The following ADCY1 variants were observed in gnomAD, a reference collection of about 807,000 sequenced individuals.
ADCY1 encodes the protein adenylate cyclase type 1.
A neutral mutation model predicts 105.4 loss-of-function variants in ADCY1; 28 were observed. The observed-to-expected ratio is 0.27, with a 90% CI of 0.20 to 0.36. The LOEUF (loss-of-function observed/expected upper bound fraction) is 0.36. ADCY1 is among the 10% of genes least tolerant of loss of function. The pLI is 1.00. For synonymous variants in ADCY1, 655 were observed against 623.8 expected (o/e 1.05, Z -0.75); for missense variants, 977 against 1,434.2 (o/e 0.68, Z 5.15).
chr7:45,711,724 C>CAT (rs1042761278), intron 19 of ADCY1, among the ~76,000 whole-genome samples: 1 of 134,860 alleles, frequency 7.4e-6, no homozygotes, highest in African/African-American at 2.8e-5. Context: ...TGTGTATATA[C>CAT]ATATATGTGT....
rs1303321591 is a variant in ADCY1, at chr7:45,712,334, AG to A, written c.3058-1355del. 2.0e-5 allele frequency among the ~76,000 whole-genome samples: 3 copies of A among 150,380 alleles called. No homozygotes were observed. The Admixed American group carries it at 2.0e-4, about 10-fold the overall frequency. ...GGATTCCCCCAAAACTGGACTTGCC[AG>A]GGGAGAACTTCATGGGAGCCCCATC... On this transcript the variant is annotated intron_variant, in intron 19 of 19. Transcript: ENST00000297323.
At position 45,686,324 on chromosome 7, in the gene ADCY1, G is replaced by A; in HGVS notation, c.2327+109G>A. On this transcript the variant is annotated intron_variant, in intron 13 of 19. Coordinates refer to ENST00000297323, the MANE Select transcript of ADCY1 (RefSeq NM_021116.4). The surrounding 1 kb of genome is among the most constrained non-coding windows in gnomAD (Gnocchi z 4.3). ...AGTCCAGAACTAGTCAAGTTGAATT[G>A]TATACACAATTTTTAGTTTGGTGGC... 2.7e-6 allele frequency: 4 copies of A among 1,484,196 alleles called. No individual in the cohort carries two copies. Among genetic ancestry groups the A allele is most frequent in the Non-Finnish European group, 3.6e-6 (4 of 1,106,018 alleles). The allele number at this position is 1,484,196 out of a possible 1,614,324, so 91.9% of individuals were successfully genotyped here.
At chr7:45,582,542 C>G (rs545743538) in intron 1 of ADCY1, among the ~76,000 whole-genome samples, 1 of 115,426 alleles carries the variant, frequency 8.7e-6, no homozygotes, top group East Asian at 2.9e-4. Flanking sequence ...GTGCCCCTCT[C>G]TAGTGCAGGC....
chr7:45,593,166 TC>T, intron 2 of ADCY1, among the ~76,000 whole-genome samples: 1 of 152,188 alleles, frequency 6.6e-6, no homozygotes, highest in East Asian at 1.9e-4. Context: ...CGCACGGACT[TC>T]CGGTTGCAGC....
At chr7:45,711,834 C>T (rs1207964448) in intron 19 of ADCY1, among the ~76,000 whole-genome samples, 2 of 124,334 alleles carry the variant, frequency 1.6e-5, no homozygotes, top group African/African-American at 6.2e-5. Context: ...TTAAAATATA[C>T]AATATTTAAA....
intron 5 of ADCY1, among the ~76,000 whole-genome samples, chr7:45,656,279 G>A (rs1410092493): frequency 6.6e-6 from 1 of 151,738 alleles, no homozygotes; most frequent in African/African-American, 2.4e-5. Context: ...CTGCAGCCTG[G>A]GCGACAGAGC....
chr7:45,685,864 C>T (rs1400101248), intron 12 of ADCY1, 98 bp from the exon 13 acceptor site: 1 of 1,465,292 alleles, frequency 6.8e-7, no homozygotes. Flanking sequence ...AGAGCAAAAC[C>T]TTGGGAGACC....
At chr7:45,640,608 A>T (rs1794505292) in intron 4 of ADCY1, among the ~76,000 whole-genome samples, 1 of 152,172 alleles carries the variant, frequency 6.6e-6, no homozygotes, top group Non-Finnish European at 1.5e-5. Flanking sequence ...GAAATTTAGG[A>T]CAAAGATTGG....
chr7:45,635,087 A>G (rs1326343322), intron 4 of ADCY1, among the ~76,000 whole-genome samples: 1 of 151,786 alleles, frequency 6.6e-6, no homozygotes, highest in Non-Finnish European at 1.5e-5. Flanking sequence ...TTCTTTGTGG[A>G]AAAGTTTTTA....
Position 45,703,442 on chromosome 7 carries a change from C to T in ADCY1, c.2521C>T (p.Leu841=). The T allele has an allele frequency of 6.2e-7, 1 of 1,614,116 alleles. No individual in the cohort carries two copies. The highest frequency in any genetic ancestry group is 8.5e-7 in the Non-Finnish European group (1 of 1,179,992). ...LDNRRILFNL[L]PAHVAQHFLM... ...CAACAGGCGCATCCTCTTCAACCTC[C>T]TGCCGGCCCACGTCGCCCAGCACTT... Residue 841 remains leucine, a synonymous_variant, in exon 15 of 20, where the codon CTG becomes TTG. Transcript: ENST00000297323. This position sits in a 1 kb window ranked among gnomAD's most constrained non-coding sequence, Gnocchi z 5.9.
At chr7:45,654,035 C>G (rs191215490) in intron 5 of ADCY1, among the ~76,000 whole-genome samples, 1 of 152,302 alleles carries the variant, frequency 6.6e-6, no homozygotes, top group East Asian at 1.9e-4. Flanking sequence ...GTTTGCATCT[C>G]TGAGTTGTTT....
intron 8 of ADCY1, among the ~76,000 whole-genome samples, chr7:45,676,750 T>C (rs1784461674): frequency 6.6e-6 from 1 of 152,108 alleles, no homozygotes; most frequent in African/African-American, 2.4e-5. Context: ...AGTGGGGCCT[T>C]GGGTGTGCCT....
intron 4 of ADCY1, among the ~76,000 whole-genome samples, chr7:45,625,631 A>G (rs1794036790): frequency 1.3e-5 from 2 of 152,022 alleles, no homozygotes; most frequent in Admixed American, 6.5e-5. Context: ...ACGTGTGTAC[A>G]TGTGTGTAGG....
intron 3 of ADCY1, among the ~76,000 whole-genome samples, chr7:45,617,553 T>C (rs1347539622): frequency 6.6e-6 from 1 of 152,152 alleles, no homozygotes; most frequent in Non-Finnish European, 1.5e-5. Context: ...TTCAATCAAG[T>C]TGGAGAATAG....
rs936327516 is a variant in ADCY1, at chr7:45,686,774, G to A, written c.2454+101G>A. On this transcript the variant is annotated intron_variant, in intron 14 of 19. Coordinates refer to ENST00000297323, the MANE Select transcript of ADCY1 (RefSeq NM_021116.4). This position sits in a 1 kb window ranked among gnomAD's most constrained non-coding sequence, Gnocchi z 4.3. ...GGGCTGCCACAGACACCCACACGCC[G>A]TATGGCCCTCGGAGGGCCCTCCTCA... 75 of 1,470,980 alleles carry A rather than the reference G, an allele frequency of 5.1e-5. No homozygotes were observed. The highest frequency in any genetic ancestry group is 5.5e-5 in the Non-Finnish European group (61 of 1,107,344). 91.1% of individuals were successfully genotyped at this position (1,470,980 alleles called of 1,614,324 possible).
chr7:45,643,733 C>G (rs139813235), intron 4 of ADCY1, among the ~76,000 whole-genome samples: 25 of 152,284 alleles, frequency 1.6e-4, no homozygotes, highest in Non-Finnish European at 1.5e-4. Flanking sequence ...CTCCCTTGCT[C>G]ACTGTTCCTC....
intron 2 of ADCY1, among the ~76,000 whole-genome samples, chr7:45,608,360 A>G (rs777888387): frequency 7.9e-5 from 12 of 152,330 alleles, no homozygotes; most frequent in Middle Eastern, 3.4e-3. Flanking sequence ...TGACCTTTCA[A>G]CTCATGTCTC....
At chr7:45,646,319 C>T (rs1051336518) in intron 4 of ADCY1, among the ~76,000 whole-genome samples, 6 of 152,200 alleles carry the variant, frequency 3.9e-5, no homozygotes, top group Non-Finnish European at 5.9e-5. Context: ...TGGCAGCCCA[C>T]GCTGGAGTCC....
intron 1 of ADCY1, among the ~76,000 whole-genome samples, chr7:45,583,347 G>C (rs1403012336): frequency 2.0e-5 from 3 of 152,236 alleles, no homozygotes; most frequent in Non-Finnish European, 2.9e-5. Flanking sequence ...CCAGCAGTGT[G>C]GTGGGGTCCC....
Sources: allele counts gnomAD v4.1 joint callset (sites outside exome capture counted in the v4.1 genomes callset), GRCh38; gene constraint gnomAD v4.1.1; non-coding constraint Gnocchi (gnomAD v3.1); transcripts MANE v1.5; gene names NCBI Gene and HGNC (gene_info 2026-07-23, HGNC 2026-07-21).